The following CTNS variants were observed in gnomAD, a reference collection of about 807,000 sequenced individuals.
The protein encoded by CTNS is cystinosin.
In CTNS, 27 loss-of-function variants were observed where a neutral mutation model predicts 43.7. The observed-to-expected ratio is 0.62, with a 90% CI of 0.46 to 0.85. The LOEUF (loss-of-function observed/expected upper bound fraction) is 0.85. CTNS is among the 40% of genes least tolerant of loss of function. The pLI is 0.00. For synonymous variants in CTNS, 187 were observed against 190.6 expected, an observed-to-expected ratio of 0.98 and a Z score of 0.16; for missense variants, 457 against 475.4, an observed-to-expected ratio of 0.96 and a Z score of 0.36.
At position 3,641,355 on chromosome 17, in the gene CTNS, G is replaced by GAGATATATATAT. The variant is rs777820533; in HGVS notation, c.61+1089_61+1090insGATATATATATA. On this transcript the variant is annotated intron_variant, in intron 3 of 11. Coordinates refer to ENST00000046640, the MANE Select transcript of CTNS (RefSeq NM_004937.3). ...CCTCTTGGGTCAAATACAAAAATCA[G>GAGATATATATAT]ATACATATATATATATATATATATA... Among the ~76,000 whole-genome samples, 30 of 64,054 alleles carry GAGATATATATAT rather than the reference G, an allele frequency of 4.7e-4. 1 individual carries two copies. Among genetic ancestry groups the GAGATATATATAT allele is most frequent in the African/African-American group, 2.4e-3 (29 of 12,304 alleles). 42.0% of individuals were successfully genotyped at this position (64,054 alleles called of 152,430 possible).
Position 3,661,559 on chromosome 17 carries a change from C to G in CTNS, c.*1190C>G, listed in dbSNP as rs1321687614. ...CTTTCTGCACTCTGTGTGCTCGATA[C>G]AGAAGGCAGGTGTGCTGGCCTTCAG... On this transcript the variant is annotated 3_prime_UTR_variant, in exon 12 of 12. Transcript: ENST00000046640. The G allele has an allele frequency of 2.0e-5, 3 of 152,332 alleles. No homozygotes were observed. The highest frequency in any genetic ancestry group is 2.9e-5 in the Non-Finnish European group (2 of 68,122). The allele number at this position is 152,332 out of a possible 1,614,324, so 9.4% of individuals were successfully genotyped here. A position where few individuals can be genotyped will look rare whatever the true frequency, so the allele number is the denominator to read the frequency against.
In CTNS at chr17:3,661,871, C is replaced by G. The variant is rs377728246; in HGVS notation, c.*1502C>G. 3.9e-5 allele frequency among the ~76,000 whole-genome samples: 6 copies of G among 152,352 alleles called. No homozygotes were observed. In the East Asian group the frequency reaches 1.2e-3, roughly 29 times the overall value. ...CTTATTCTCCAGACGCTTCCTCTATCTAGTTGTAACAAACGTCAAAGAATG... is the reference window on the plus strand; with the variant it reads ...CTTATTCTCCAGACGCTTCCTCTATGTAGTTGTAACAAACGTCAAAGAATG... On this transcript the variant is annotated 3_prime_UTR_variant, in exon 12 of 12. Coordinates refer to ENST00000046640, the MANE Select transcript of CTNS (RefSeq NM_004937.3).
intron 2 of CTNS, among the ~76,000 whole-genome samples, chr17:3,637,605 T>C (rs1380849161): frequency 6.6e-6 from 1 of 152,118 alleles, no homozygotes; most frequent in Non-Finnish European, 1.5e-5. Flanking sequence ...TAGCTGGGAC[T>C]ACAGGCCTGA....
intron 3 of CTNS, among the ~76,000 whole-genome samples, chr17:3,646,359 G>A (rs1024101643): frequency 1.4e-5 from 2 of 147,904 alleles, no homozygotes; most frequent in Non-Finnish European, 3.0e-5. Context: ...AGCGATCTCA[G>A]CTCACTGCAA....
intron 2 of CTNS, among the ~76,000 whole-genome samples, chr17:3,639,359 A>G (rs895664362): frequency 2.0e-5 from 3 of 152,074 alleles, no homozygotes; most frequent in Admixed American, 1.3e-4. Flanking sequence ...CCAGTCCTGG[A>G]ATGGTGACAC....
intron 3 of CTNS, among the ~76,000 whole-genome samples, chr17:3,642,060 C>T (rs425199): frequency 5.4e-5 from 2 of 36,804 alleles, no homozygotes; most frequent in African/African-American, 1.1e-4. Context: ...TGTGTGTACC[C>T]GGGCGTGTGT....
chr17:3,636,480 A>C, upstream of CTNS: 2 of 443,510 alleles, frequency 4.5e-6, no homozygotes, highest in Admixed American at 4.4e-5. Flanking sequence ...TTTCCGCCCA[A>C]TGGAGGGCGG....
At chr17:3,645,224 T>C (rs1015945001) in intron 3 of CTNS, among the ~76,000 whole-genome samples, 1 of 152,010 alleles carries the variant, frequency 6.6e-6, no homozygotes, top group Non-Finnish European at 1.5e-5. Flanking sequence ...GCTCTGAGGC[T>C]CCACATAAGG....
In CTNS at chr17:3,660,983, A is replaced by G; in HGVS notation, c.*614A>G. The G allele has an allele frequency of 1.7e-6, 1 of 585,010 alleles. No homozygotes were observed. Among genetic ancestry groups the G allele is most frequent in the Non-Finnish European group, 3.0e-6 (1 of 331,504 alleles). The allele number at this position is 585,010 out of a possible 1,614,324, so 36.2% of individuals were successfully genotyped here. A position where few individuals can be genotyped will look rare whatever the true frequency, so the allele number is the denominator to read the frequency against. On this transcript the variant is annotated 3_prime_UTR_variant, in exon 12 of 12. Transcript: ENST00000046640. ...TTCTGAGCCATGAGGGGCCCACCAGATTGGTTCTGAATTGGATTCATGCCC... is the reference window on the plus strand; with the variant it reads ...TTCTGAGCCATGAGGGGCCCACCAGGTTGGTTCTGAATTGGATTCATGCCC...
intron 2 of CTNS, 121 bp from the exon 3 acceptor site, chr17:3,640,067 T>A: frequency 1.2e-6 from 1 of 800,822 alleles, no homozygotes; most frequent in Non-Finnish European, 2.2e-6. Flanking sequence ...AGCCCTGAGG[T>A]CACAGCTGTC....
chr17:3,659,199 A>G (rs896019284), intron 10 of CTNS, among the ~76,000 whole-genome samples: 1 of 143,954 alleles, frequency 6.9e-6, no homozygotes, highest in Non-Finnish European at 1.6e-5. Context: ...TCACGGGGGG[A>G]AGGAAAGGTC....
rs12325922 is a variant in CTNS at position 3,658,434 on chromosome 17, C to G, written c.852+259C>G. On this transcript the variant is annotated intron_variant, in intron 10 of 11. Transcript: ENST00000046640. Reference sequence around the variant, plus strand: ...CTAAGCATCAGGTGTGCGGGTGGTTCCCCTTCTCCACACCCCAGCCTTTCC... The same window carrying G: ...CTAAGCATCAGGTGTGCGGGTGGTTGCCCTTCTCCACACCCCAGCCTTTCC... Among the ~76,000 whole-genome samples the G allele has an allele frequency of 0.14, 20,931 of 152,272 alleles. 3,164 individuals carry two copies. The highest frequency in any genetic ancestry group is 0.38 in the African/African-American group (15,652 of 41,532).
intron 5 of CTNS, among the ~76,000 whole-genome samples, chr17:3,651,346 C>T (rs903052886): frequency 3.3e-5 from 5 of 152,158 alleles, no homozygotes; most frequent in South Asian, 2.1e-4. Context: ...CCGCCCACCT[C>T]GGCCTCCCAA....
rs749428707 is a variant in CTNS at position 3,656,735 on chromosome 17, C to T, written c.621C>T (p.Phe207=). The change falls in exon 9 of 12, where the codon TTC becomes TTT. Residue 207 remains phenylalanine, a synonymous_variant. Transcript: ENST00000046640. The part of the protein sequence containing the change: ...GVNPVNSNDV[F]FSLHAVVLTL... ...ACCCCGTGAACAGCAACGACGTCTT[C>T]TTCAGCCTGCACGCGGTTGTCCTCA... 1.2e-5 allele frequency: 20 copies of T among 1,613,500 alleles called. No individual in the cohort carries two copies. The highest frequency in any genetic ancestry group is 1.1e-4 in the African/African-American group (8 of 74,902).
intron 3 of CTNS, among the ~76,000 whole-genome samples, chr17:3,640,873 C>T (rs969248696): frequency 1.3e-5 from 2 of 152,212 alleles, no homozygotes; most frequent in South Asian, 2.1e-4. Context: ...TACTGCACTC[C>T]GGCCTGGGCA....
chr17:3,636,576 CA>C (rs1221151118), upstream of CTNS: 1 of 243,550 alleles, frequency 4.1e-6, no homozygotes. Context: ...CATCTTCCCT[CA>C]CGCCGGAGCC....
chr17:3,660,378 G>T lies in CTNS; in HGVS notation c.*9G>T. The T allele has an allele frequency of 6.2e-7, 1 of 1,614,130 alleles. No homozygotes were observed. The highest frequency in any genetic ancestry group is 8.5e-7 in the Non-Finnish European group (1 of 1,180,038). On this transcript the variant is annotated 3_prime_UTR_variant, in exon 12 of 12. Transcript: ENST00000046640. ...ATGACCAGCTGAACTAGCACCCAGG[G>T]ACCCAGTGTACCCAGCCTCTGGCCT... is the stretch of plus-strand genomic sequence containing the variant.
intron 5 of CTNS, chr17:3,650,581 T>A: frequency 2.3e-5 from 7 of 303,382 alleles, no homozygotes; most frequent in Non-Finnish European, 4.4e-5. Context: ...GAGAGGGAGC[T>A]CTCCCCGCTG....
chr17:3,655,761 T>A (rs1333062611), intron 7 of CTNS: 2 of 287,172 alleles, frequency 7.0e-6, no homozygotes, highest in South Asian at 7.2e-5. Context: ...TGTCCTGCAG[T>A]CACCCTGGCC....
Sources: gnomAD v4.1 joint callset for allele counts (sites outside exome capture counted in the v4.1 genomes callset) on GRCh38, gnomAD v4.1.1 for gene constraint, MANE v1.5 for transcripts, NCBI Gene and HGNC (gene_info 2026-07-23, HGNC 2026-07-21) for gene names.